Variants in DTHD1 observed in about 807,000 individuals in gnomAD.
DTHD1 encodes death domain containing 1.
DTHD1 carries 59 observed loss-of-function variants against 74.8 expected under a neutral mutation model. The observed-to-expected ratio is 0.79, with a 90% CI of 0.64 to 0.98. The LOEUF (loss-of-function observed/expected upper bound fraction) is 0.98. Among genes scored for constraint, DTHD1 ranks in the 50% least tolerant of loss-of-function variants. The pLI, the probability that DTHD1 is intolerant of heterozygous loss-of-function variation, is 0.00. For missense variants in DTHD1, 1,051 were observed against 1,065.4 expected (o/e 0.99, Z 0.19); for synonymous variants, 365 against 371.1 (o/e 0.98, Z 0.19).
At chr4:36,343,222 C>T (rs1353387826) in intron 9 of DTHD1, among the ~76,000 whole-genome samples, 1 of 152,154 alleles carries the variant, frequency 6.6e-6, no homozygotes, top group Non-Finnish European at 1.5e-5. Context: ...TAGAGCAGAG[C>T]GTAAAAACCA....
At chr4:36,309,068 C>T (rs569672086) in intron 7 of DTHD1, among the ~76,000 whole-genome samples, 16 of 152,204 alleles carry the variant, frequency 1.1e-4, no homozygotes, top group African/African-American at 3.9e-4. Context: ...TTATATTTTT[C>T]AAAGACTACT....
At chr4:36,342,489 G>A (rs895505045) in intron 9 of DTHD1, among the ~76,000 whole-genome samples, 1 of 151,930 alleles carries the variant, frequency 6.6e-6, no homozygotes, top group Non-Finnish European at 1.5e-5. Context: ...AGATAGTAGG[G>A]GACAGAGGTT....
intron 8 of DTHD1, among the ~76,000 whole-genome samples, chr4:36,327,317 G>A (rs16992066): frequency 0.057 from 8,733 of 152,192 alleles, 352 homozygotes; most frequent in East Asian, 0.12. Context: ...TATGCTAAGA[G>A]TTAAATAGGC....
In DTHD1 at chr4:36,342,661, G is replaced by A. The variant is rs536384414; in HGVS notation, c.2399-841G>A. ...ATGTCGTGTGTATGTCTGCGTGTGT[G>A]TGTGAGTGTGTGTATAGTTAGGGAT... On this transcript the variant is annotated intron_variant, in intron 9 of 9. Transcript: ENST00000639862. 2.6e-5 allele frequency among the ~76,000 whole-genome samples: 4 copies of A among 152,216 alleles called. No homozygotes were observed. The East Asian group carries it at 5.8e-4, about 22-fold the overall frequency.
Position 36,282,033 on chromosome 4 carries a change from A to AGG in DTHD1, c.271+5_271+6insGG. The AGG allele has an allele frequency of 6.6e-7, 1 of 1,521,640 alleles. No individual in the cohort carries two copies. Among genetic ancestry groups the AGG allele is most frequent in the East Asian group, 2.5e-5 (1 of 40,070 alleles). The allele number at this position is 1,521,640 out of a possible 1,614,324, so 94.3% of individuals were successfully genotyped here. ...AATCAATGTGTCTCGAGAAAAGGCAAGTATTCTTTTTTTTAGTTTATTCTT... is the reference window on the plus strand; with the variant it reads ...AATCAATGTGTCTCGAGAAAAGGCAAGGGTATTCTTTTTTTTAGTTTATTCTT... On this transcript the variant is annotated splice_donor_region_variant and intron_variant, in intron 1 of 9. Coordinates refer to ENST00000639862, the MANE Select transcript of DTHD1 (RefSeq NM_001170700.3).
At chr4:36,335,361 C>G (rs1339190332) in intron 8 of DTHD1, among the ~76,000 whole-genome samples, 1 of 151,986 alleles carries the variant, frequency 6.6e-6, no homozygotes, top group Admixed American at 6.6e-5. Flanking sequence ...GTAGCTGAGA[C>G]CACAGGAGTA....
At chr4:36,322,647 G>A (rs1457833455) in intron 8 of DTHD1, among the ~76,000 whole-genome samples, 1 of 152,030 alleles carries the variant, frequency 6.6e-6, no homozygotes. Context: ...AAGATGATGA[G>A]GTTTGTAAGA....
chr4:36,340,048 A>G (rs2109579406), intron 9 of DTHD1, among the ~76,000 whole-genome samples: 1 of 152,336 alleles, frequency 6.6e-6, no homozygotes, highest in Non-Finnish European at 1.5e-5. Context: ...CAGTCACTGG[A>G]GAATACAAAG....
At position 36,346,155 on chromosome 4, in the gene DTHD1, C is replaced by A. The variant is rs1003548066; in HGVS notation, c.*2331C>A. Among the ~76,000 whole-genome samples, 4 of 151,922 alleles carry A rather than the reference C, an allele frequency of 2.6e-5. No individual in the cohort carries two copies. The highest frequency in any genetic ancestry group is 9.7e-5 in the African/African-American group (4 of 41,370). ...ATATAGTTTCAGATCCACTTGTACA[C>A]TCTCACAAATGTCCTCGTTCACATA... is the stretch of plus-strand genomic sequence containing the variant. On this transcript the variant is annotated 3_prime_UTR_variant, in exon 10 of 10. Coordinates refer to ENST00000639862, the MANE Select transcript of DTHD1 (RefSeq NM_001170700.3).
intron 7 of DTHD1, among the ~76,000 whole-genome samples, chr4:36,312,483 T>G (rs1311376350): frequency 6.6e-6 from 1 of 151,174 alleles, no homozygotes; most frequent in Admixed American, 6.6e-5. Flanking sequence ...GGCTGAAAAG[T>G]GAATTATAGA....
At chr4:36,314,875 T>C (rs1757623854) in intron 7 of DTHD1, among the ~76,000 whole-genome samples, 1 of 151,986 alleles carries the variant, frequency 6.6e-6, no homozygotes, top group Admixed American at 6.6e-5. Context: ...GACAATTATT[T>C]TATCCAAATT....
chr4:36,315,482 AGACT>A (rs1430166393), intron 7 of DTHD1: 1 of 152,226 alleles, frequency 6.6e-6, no homozygotes, highest in East Asian at 1.9e-4. Context: ...AAATGTGGGT[AGACT>A]GACTGAGGAG....
intron 2 of DTHD1, among the ~76,000 whole-genome samples, chr4:36,290,123 T>C (rs565102909): frequency 1.3e-5 from 2 of 152,298 alleles, no homozygotes; most frequent in South Asian, 2.1e-4. Flanking sequence ...ATAGCTCTAA[T>C]TACTTAACAT....
intron 8 of DTHD1, among the ~76,000 whole-genome samples, chr4:36,319,860 G>T (rs1757954612): frequency 6.6e-6 from 1 of 152,126 alleles, no homozygotes; most frequent in African/African-American, 2.4e-5. Flanking sequence ...TCTCTGTTTT[G>T]CTTGTAACAC....
chr4:36,309,030 C>CTA (rs1458431798), intron 7 of DTHD1, among the ~76,000 whole-genome samples: 1 of 152,148 alleles, frequency 6.6e-6, no homozygotes. Flanking sequence ...AGTATTATTG[C>CTA]TATATTTTTT....
intron 7 of DTHD1, among the ~76,000 whole-genome samples, chr4:36,310,052 T>G (rs1757303336): frequency 6.6e-6 from 1 of 152,252 alleles, no homozygotes; most frequent in South Asian, 2.1e-4. Context: ...TGTGGCTGCA[T>G]GGTATTCCAT....
chr4:36,343,592 G>C lies in DTHD1; in HGVS notation c.2489G>C (p.Arg830Pro). Residue 830 changes from arginine to proline, a missense_variant, in exon 10 of 10, where the codon CGT becomes CCT. Coordinates refer to ENST00000639862, the MANE Select transcript of DTHD1 (RefSeq NM_001170700.3). Reference protein sequence around the residue: ...ESLSSTLPLRRSTIQLIKLKN... With the variant: ...ESLSSTLPLRPSTIQLIKLKN... The stretch of plus-strand genomic sequence containing the variant: ...CTTTCCTCAACTCTCCCTCTGCGCC[G>C]TAGCACCATTCAGCTCATCAAACTC... The C allele has an allele frequency of 1.3e-6, 2 of 1,551,742 alleles. No individual in the cohort carries two copies. The highest frequency in any genetic ancestry group is 2.4e-5 in the East Asian group (1 of 40,918).
intron 8 of DTHD1, among the ~76,000 whole-genome samples, chr4:36,324,673 A>G (rs1057267871): frequency 8.5e-5 from 13 of 152,238 alleles, no homozygotes; most frequent in African/African-American, 2.4e-4. Flanking sequence ...TAATAATAAT[A>G]GTAGAAGCCA....
rs1372221692 is a variant in DTHD1, at chr4:36,284,157, GGAACTAAATGTCATAGAAACAGCTACT to G, written c.455_481del (p.Glu152_Thr160del). 2.0e-6 allele frequency: 3 copies of G among 1,537,156 alleles called. No homozygotes were observed. The highest frequency in any genetic ancestry group is 1.7e-6 in the Non-Finnish European group (2 of 1,146,866). On this transcript the variant is annotated inframe_deletion, in exon 2 of 10. Transcript: ENST00000639862. ...AAGCAGCAGACATTGCTGCAAGAGG[GGAACTAAATGTCATAGAAACAGCTACT>G]GTTTCTCCCACAAATGGAGAGGAAA...
Sources: allele counts gnomAD v4.1 joint callset (sites outside exome capture counted in the v4.1 genomes callset), GRCh38; gene constraint gnomAD v4.1.1; transcripts MANE v1.5; gene names NCBI Gene and HGNC (gene_info 2026-07-23, HGNC 2026-07-21).